Variants in MTA3 observed in about 807,000 individuals in gnomAD.
MTA3 encodes the protein metastasis-associated protein MTA3.
A neutral mutation model predicts 83.5 loss-of-function variants in MTA3; 34 were observed. The observed-to-expected ratio is 0.41, with a 90% confidence interval of 0.31 to 0.54. MTA3 has a LOEUF of 0.54. Among genes scored for constraint, MTA3 ranks in the 20% least tolerant of loss-of-function variants. The pLI is 0.33. For missense variants in MTA3, 761 were observed against 726.4 expected (o/e 1.05, Z -0.55); for synonymous variants, 303 against 252.7 (o/e 1.20, Z -1.89).
At chr2:42,688,130 G>A (rs1268009756) in intron 9 of MTA3, among the ~76,000 whole-genome samples, 2 of 152,180 alleles carry the variant, frequency 1.3e-5, no homozygotes, top group African/African-American at 4.8e-5. Context: ...AACAGGTGTG[G>A]CATGATCATA....
intron 2 of MTA3, among the ~76,000 whole-genome samples, chr2:42,561,612 C>T (rs1677678690): frequency 6.6e-6 from 1 of 152,114 alleles, no homozygotes. Flanking sequence ...CGTGAGCCAC[C>T]GAGCCCGGCC....
chr2:42,536,285 C>T (rs879937909), intron 2 of MTA3, among the ~76,000 whole-genome samples: 14 of 151,268 alleles, frequency 9.3e-5, no homozygotes, highest in Non-Finnish European at 1.5e-4. Flanking sequence ...ACCAGCCTGG[C>T]CAATATGAAG....
At chr2:42,643,894 C>G (rs1253759671) in intron 5 of MTA3, among the ~76,000 whole-genome samples, 1 of 152,150 alleles carries the variant, frequency 6.6e-6, no homozygotes, top group East Asian at 1.9e-4. Context: ...AATAATAGAA[C>G]TTTATAATCT....
At chr2:42,523,770 T>C (rs990653608) in intron 2 of MTA3, among the ~76,000 whole-genome samples, 14 of 151,750 alleles carry the variant, frequency 9.2e-5, no homozygotes, top group African/African-American at 2.7e-4. Flanking sequence ...ACAAAACAAA[T>C]AGCTGGGTGT....
chr2:42,650,395 T>A (rs1347438079), intron 6 of MTA3, among the ~76,000 whole-genome samples: 6 of 152,200 alleles, frequency 3.9e-5, no homozygotes, highest in Non-Finnish European at 5.9e-5. Context: ...TTATATGGTC[T>A]GGTCTATTTC....
intron 2 of MTA3, among the ~76,000 whole-genome samples, chr2:42,560,408 G>A (rs1677611366): frequency 6.6e-6 from 1 of 151,770 alleles, no homozygotes; most frequent in Non-Finnish European, 1.5e-5. Context: ...CTCTGGGAGT[G>A]AGCGAGTGGA....
intron 4 of MTA3, among the ~76,000 whole-genome samples, chr2:42,617,202 C>T (rs1390578786): frequency 1.3e-5 from 2 of 152,160 alleles, no homozygotes; most frequent in African/African-American, 4.8e-5. Flanking sequence ...GAAATAGATA[C>T]TCTTCTTGTC....
intron 11 of MTA3, chr2:42,703,193 G>A (rs1665748231): frequency 6.6e-6 from 1 of 152,090 alleles, no homozygotes; most frequent in African/African-American, 2.4e-5. Context: ...CGAACTCCTG[G>A]CTTCAAGTCA....
chr2:42,629,300 C>T (rs1334840231), intron 4 of MTA3, among the ~76,000 whole-genome samples: 8 of 152,034 alleles, frequency 5.3e-5, no homozygotes, highest in African/African-American at 1.2e-4. Flanking sequence ...AGGCTGATCT[C>T]GAACTCCTGA....
intron 2 of MTA3, among the ~76,000 whole-genome samples, chr2:42,525,674 C>T (rs1023888518): frequency 4.1e-5 from 6 of 146,984 alleles, no homozygotes; most frequent in Non-Finnish European, 8.9e-5. Context: ...TTCTTTCTTT[C>T]GTAGATGAGG....
intron 6 of MTA3, among the ~76,000 whole-genome samples, chr2:42,654,312 G>C (rs1312802728): frequency 6.6e-6 from 1 of 152,172 alleles, no homozygotes; most frequent in African/African-American, 2.4e-5. Flanking sequence ...CCTATACTAG[G>C]CGGCCCATAG....
chr2:42,658,071 CAAAAAAAAAAAAA>C (rs59628946), intron 7 of MTA3, among the ~76,000 whole-genome samples: 4 of 51,932 alleles, frequency 7.7e-5, no homozygotes, highest in East Asian at 1.5e-3. Flanking sequence ...GACTCTGTCT[CAAAAAAAAAAAAA>C]AAAAAAAAAA....
At chr2:42,553,240 G>A (rs4287811) in intron 2 of MTA3, among the ~76,000 whole-genome samples, 119,838 of 151,726 alleles carry the variant, frequency 0.79, 48,208 homozygotes, top group African/African-American at 0.95. Context: ...CCTGGCTAAC[G>A]CGGTGAAACC....
intron 8 of MTA3, among the ~76,000 whole-genome samples, chr2:42,669,290 G>C (rs1261827605): frequency 6.6e-6 from 1 of 151,998 alleles, no homozygotes; most frequent in African/African-American, 2.4e-5. Context: ...CACCATGTTT[G>C]CCAGGCTGGT....
chr2:42,558,092 C>A (rs1387924815), intron 2 of MTA3, among the ~76,000 whole-genome samples: 1 of 152,134 alleles, frequency 6.6e-6, no homozygotes, highest in Non-Finnish European at 1.5e-5. Context: ...GGACCACTCC[C>A]TTTTTCACTT....
intron 8 of MTA3, among the ~76,000 whole-genome samples, chr2:42,674,796 A>C (rs1691183458): frequency 6.6e-6 from 1 of 151,286 alleles, no homozygotes; most frequent in African/African-American, 2.4e-5. Context: ...GCGAGGTTTC[A>C]CCATGTTGGC....
chr2:42,748,985 C>T (rs1669656207), intron 16 of MTA3, among the ~76,000 whole-genome samples: 1 of 152,220 alleles, frequency 6.6e-6, no homozygotes, highest in Non-Finnish European at 1.5e-5. Context: ...GCCCCTTTAA[C>T]TTCACAGAAC....
chr2:42,716,367 GGTTTGT>G (rs1303327563), intron 14 of MTA3, among the ~76,000 whole-genome samples: 2 of 152,228 alleles, frequency 1.3e-5, no homozygotes, highest in East Asian at 3.9e-4. Flanking sequence ...TACATGTGCA[GGTTTGT>G]TATATAGGTA....
intron 3 of MTA3, among the ~76,000 whole-genome samples, chr2:42,600,053 C>G (rs1029922217): frequency 1.3e-5 from 2 of 151,676 alleles, no homozygotes; most frequent in African/African-American, 4.9e-5. Context: ...AAAAAATTAG[C>G]TGGGTGTGGC....
Sources: gnomAD v4.1 joint callset for allele counts (sites outside exome capture counted in the v4.1 genomes callset) on GRCh38, gnomAD v4.1.1 for gene constraint, MANE v1.5 for transcripts, NCBI Gene and HGNC (gene_info 2026-07-23, HGNC 2026-07-21) for gene names.